The following LAMP5 variants were observed in gnomAD, a reference collection of about 807,000 sequenced individuals.
LAMP5 encodes the protein lysosome associated membrane protein 5, also known as lysosome-associated membrane glycoprotein 5.
Under a neutral mutation model 30.2 loss-of-function variants are expected in LAMP5, and 36 were observed. The observed-to-expected ratio is 1.19, with a 90% CI of 0.91 to 1.57. The LOEUF (loss-of-function observed/expected upper bound fraction) is 1.57. Among genes scored for constraint, LAMP5 ranks in the 40% most tolerant of loss-of-function variants. The pLI, the probability that LAMP5 is intolerant of heterozygous loss-of-function variation, is 0.00. For synonymous variants in LAMP5, 149 were observed against 134.6 expected (o/e 1.11, Z -0.74); for missense variants, 377 against 354.9 (o/e 1.06, Z -0.50).
intron 5 of LAMP5, among the ~76,000 whole-genome samples, chr20:9,524,618 A>C (rs1349927259): frequency 1.0e-5 from 1 of 98,454 alleles, no homozygotes; most frequent in Non-Finnish European, 2.0e-5. Context: ...AAAAAAAAAC[A>C]AACAAAAAAA....
chr20:9,524,783 T>C lies in LAMP5; in HGVS notation c.665-4859T>C, dbSNP rs73600239. Among the ~76,000 whole-genome samples the C allele has an allele frequency of 2.1e-3, 320 of 152,218 alleles. 8 individuals carry two copies. The East Asian group carries it at 0.048, about 23-fold the overall frequency. On this transcript the variant is annotated intron_variant, in intron 5 of 5. Coordinates refer to ENST00000246070, the MANE Select transcript of LAMP5 (RefSeq NM_012261.4). Reference sequence around the variant, plus strand: ...TATATCTGTTTCCTGCGGTGAAACATGTGAAACGTCATACTAAGTAGGATG... The same window carrying C: ...TATATCTGTTTCCTGCGGTGAAACACGTGAAACGTCATACTAAGTAGGATG...
chr20:9,515,638 T>TA lies in LAMP5; in HGVS notation c.237+13_237+14insA. On this transcript the variant is annotated intron_variant, in intron 2 of 5. Coordinates refer to ENST00000246070, the MANE Select transcript of LAMP5 (RefSeq NM_012261.4). ...CAACTACGTAGATGTAAGGAATCTT[T>TA]CCCCCCCCTCAGCTTGCTCCTAGGG... is the stretch of plus-strand genomic sequence containing the variant. The TA allele has an allele frequency of 6.2e-7, 1 of 1,603,250 alleles. No individual in the cohort carries two copies.
In LAMP5 at chr20:9,529,684, C is replaced by G. The variant is rs377714830; in HGVS notation, c.707C>G (p.Thr236Ser). 4 of 1,614,038 alleles carry G rather than the reference C, an allele frequency of 2.5e-6. No homozygotes were observed. The highest frequency in any genetic ancestry group is 3.4e-6 in the Non-Finnish European group (4 of 1,180,042). Residue 236 changes from threonine to serine, a missense_variant, in exon 6 of 6, where the codon ACC becomes AGC. Coordinates refer to ENST00000246070, the MANE Select transcript of LAMP5 (RefSeq NM_012261.4). The part of the protein sequence containing the change: ...PVDEREQLEE[T>S]LPLILGLILG... ...GATGAGCGGGAGCAACTGGAAGAAA[C>G]CTTGCCCCTGATTTTGGGGCTCATC...
chr20:9,529,812 A>T lies in LAMP5; in HGVS notation c.835A>T (p.Met279Leu), dbSNP rs575036265. Residue 279 changes from methionine (M) to leucine (L), a missense_variant, in exon 6 of 6, where the codon ATG (methionine) becomes TTG (leucine). Coordinates refer to ENST00000246070, the MANE Select transcript of LAMP5 (RefSeq NM_012261.4). ...IPRDRSQYKHMG is the reference protein window; with the variant it reads ...IPRDRSQYKHLG The stretch of plus-strand genomic sequence containing the variant: ...TCGGGACAGATCCCAGTATAAGCAC[A>T]TGGGCTAGAGGCCGTTAGGCAGGCA... 3.8e-5 allele frequency: 61 copies of T among 1,614,122 alleles called. No individual in the cohort carries two copies. In the South Asian group the frequency reaches 6.1e-4, roughly 16 times the overall value.
At chr20:9,526,517 C>A (rs1270708374) in intron 5 of LAMP5, among the ~76,000 whole-genome samples, 1 of 152,128 alleles carries the variant, frequency 6.6e-6, no homozygotes, top group African/African-American at 2.4e-5. Context: ...GCGAAGAAGA[C>A]CGCCATGCTG....
Position 9,514,824 on chromosome 20 carries a change from C to T in LAMP5, c.-29C>T, listed in dbSNP as rs200750617. 5 of 1,612,292 alleles carry T rather than the reference C, an allele frequency of 3.1e-6. No homozygotes were observed. Among genetic ancestry groups the T allele is most frequent in the Non-Finnish European group, 4.2e-6 (5 of 1,178,460 alleles). On this transcript the variant is annotated 5_prime_UTR_variant, in exon 1 of 6. Coordinates refer to ENST00000246070, the MANE Select transcript of LAMP5 (RefSeq NM_012261.4). ...CTCTCTGGCGGCCTCTGCAGCAGCACAGCCGGCCTCATTCGGGGCACTGCG... is the reference window on the plus strand; with the variant it reads ...CTCTCTGGCGGCCTCTGCAGCAGCATAGCCGGCCTCATTCGGGGCACTGCG...
Position 9,529,961 on chromosome 20 carries a change from T to C in LAMP5, c.*141T>C. The C allele has an allele frequency of 1.2e-6, 1 of 820,312 alleles. No homozygotes were observed. 50.8% of individuals were successfully genotyped at this position (820,312 alleles called of 1,614,324 possible). On this transcript the variant is annotated 3_prime_UTR_variant, in exon 6 of 6. Coordinates refer to ENST00000246070, the MANE Select transcript of LAMP5 (RefSeq NM_012261.4). The stretch of plus-strand genomic sequence containing the variant: ...CCTGGGTATCTGAGGCTTGCTTGGC[T>C]TGTGTCCATGCTTAAACCCACGGAA...
Position 9,529,393 on chromosome 20 carries a change from G to A in LAMP5, c.665-249G>A, listed in dbSNP as rs148797217. On this transcript the variant is annotated intron_variant, in intron 5 of 5. Coordinates refer to ENST00000246070, the MANE Select transcript of LAMP5 (RefSeq NM_012261.4). ...GAACATTTAAATAAGTTATCTGGAT[G>A]TTTTGTTGACATCTGCCAGGAATCC... Among the ~76,000 whole-genome samples the A allele has an allele frequency of 1.8e-4, 28 of 152,320 alleles. No homozygotes were observed. In the East Asian group the frequency reaches 5.4e-3, roughly 29 times the overall value.
chr20:9,521,129 C>A (rs1483147827), intron 5 of LAMP5, among the ~76,000 whole-genome samples: 1 of 152,106 alleles, frequency 6.6e-6, no homozygotes, highest in African/African-American at 2.4e-5. Context: ...CCCCTCACAG[C>A]AGGAGACTGT....
At chr20:9,525,568 A>C (rs1269387485) in intron 5 of LAMP5, among the ~76,000 whole-genome samples, 1 of 152,200 alleles carries the variant, frequency 6.6e-6, no homozygotes, top group East Asian at 1.9e-4. Flanking sequence ...GATGATCTGG[A>C]TCTATGGAGA....
rs777189583 is a variant in LAMP5, at chr20:9,515,999, G to T, written c.238-1G>T. 5.3e-6 allele frequency: 8 copies of T among 1,507,566 alleles called. No individual in the cohort carries two copies. The East Asian group carries it at 6.9e-5, about 13-fold the overall frequency. 93.4% of individuals were successfully genotyped at this position (1,507,566 alleles called of 1,614,324 possible). A position where few individuals can be genotyped will look rare whatever the true frequency, so the allele number is the denominator to read the frequency against. On this transcript the variant is annotated splice_acceptor_variant, in intron 2 of 5. Coordinates refer to ENST00000246070, the MANE Select transcript of LAMP5 (RefSeq NM_012261.4). LOFTEE classifies it high-confidence loss of function. ...GGGGCGCGGGGCGTCTGTGTTCCCA[G>T]CTGATCACAGAACAGGCCGATATCG...
chr20:9,524,773 C>A (rs191432059), intron 5 of LAMP5, among the ~76,000 whole-genome samples: 4 of 152,070 alleles, frequency 2.6e-5, no homozygotes, highest in Non-Finnish European at 5.9e-5. Flanking sequence ...CTGTTTCCTG[C>A]GGTGAAACAT....
chr20:9,516,411 C>G, intron 4 of LAMP5, 50 bp downstream of exon 4: 1 of 1,410,610 alleles, frequency 7.1e-7, no homozygotes, highest in Non-Finnish European at 1.0e-6. Flanking sequence ...ACTCGCAGAA[C>G]AGGCTTGGAG....
chr20:9,517,952 C>A, intron 4 of LAMP5, 88 bp from the exon 5 acceptor site: 1 of 1,197,560 alleles, frequency 8.4e-7, no homozygotes, highest in Non-Finnish European at 1.2e-6. Flanking sequence ...GGTGTGGTGT[C>A]TGGAACTGAG....
At chr20:9,517,829 T>TTAATATTGAAAGAG (rs1452744869) in intron 4 of LAMP5, among the ~76,000 whole-genome samples, 1 of 152,152 alleles carries the variant, frequency 6.6e-6, no homozygotes, top group African/African-American at 2.4e-5. Context: ...GAGTTCCAAA[T>TTAATATTGAAAGAG]TAATATTGAA....
At position 9,529,651 on chromosome 20, in the gene LAMP5, G is replaced by A; in HGVS notation, c.674G>A (p.Cys225Tyr). ...TTCTTTCCCATTGCAGAGCATAAAT[G>A]CCCAGTGGATGAGCGGGAGCAACTG... Reference protein sequence around the residue: ...SDFVFSEEHKCPVDEREQLEE... With the variant: ...SDFVFSEEHKYPVDEREQLEE... Residue 225 changes from cysteine (C) to tyrosine (Y), a missense_variant, in exon 6 of 6, where the codon TGC becomes TAC. Transcript: ENST00000246070. 6.2e-7 allele frequency: 1 copy of A among 1,614,038 alleles called. No individual in the cohort carries two copies. Among genetic ancestry groups the A allele is most frequent in the African/African-American group, 1.3e-5 (1 of 75,016 alleles).
chr20:9,525,651 G>A (rs1037197254), intron 5 of LAMP5, among the ~76,000 whole-genome samples: 9 of 152,058 alleles, frequency 5.9e-5, no homozygotes, highest in African/African-American at 2.2e-4. Flanking sequence ...CATTGCTATG[G>A]TATAAAACAA....
intron 5 of LAMP5, among the ~76,000 whole-genome samples, chr20:9,526,901 T>TATATAC (rs1484307399): frequency 7.3e-4 from 83 of 114,354 alleles, no homozygotes; most frequent in Middle Eastern, 5.1e-3. Flanking sequence ...TATATATATA[T>TATATAC]ACACACACAT....
intron 5 of LAMP5, among the ~76,000 whole-genome samples, chr20:9,527,222 A>G (rs555510381): frequency 6.6e-6 from 1 of 152,114 alleles, no homozygotes; most frequent in South Asian, 2.1e-4. Flanking sequence ...CCCCAACTAT[A>G]GTGTTAAGTT....
Sources: allele counts gnomAD v4.1 joint callset (sites outside exome capture counted in the v4.1 genomes callset), GRCh38; gene constraint gnomAD v4.1.1; transcripts MANE v1.5; gene names NCBI Gene and HGNC (gene_info 2026-07-23, HGNC 2026-07-21).